The following SMYD3 variants were observed in gnomAD, a reference collection of about 807,000 sequenced individuals.
SMYD3 encodes histone-lysine N-methyltransferase SMYD3.
SMYD3 carries 36 observed loss-of-function variants against 57.7 expected under a neutral mutation model. That is an observed-to-expected ratio of 0.62 (90% CI 0.48 to 0.82). The LOEUF (loss-of-function observed/expected upper bound fraction) is 0.82. SMYD3 is among the 40% of genes least tolerant of loss of function. The probability of loss-of-function intolerance (pLI) is 0.00; values close to 1 mark genes in which losing one functional copy is unlikely to be tolerated. For synonymous variants in SMYD3, 211 were observed against 195.0 expected (o/e 1.08, Z -0.68); for missense variants, 515 against 538.8 (o/e 0.96, Z 0.44).
At chr1:246,171,442 C>T (rs1397868694) in intron 5 of SMYD3, among the ~76,000 whole-genome samples, 1 of 152,078 alleles carries the variant, frequency 6.6e-6, no homozygotes. Flanking sequence ...AAAGAGCTTA[C>T]ACCTGAGAGT....
intron 5 of SMYD3, among the ~76,000 whole-genome samples, chr1:246,086,266 C>A (rs1167527982): frequency 3.3e-5 from 5 of 150,190 alleles, no homozygotes; most frequent in African/African-American, 1.2e-4. Context: ...ACTAGGTTAG[C>A]TGAATTCCGA....
rs533420606 is a variant in SMYD3, at chr1:245,986,671, A to G, written c.532-56734T>C. ...CCCTCCCTGTACGTTATCAAAGAAC[A>G]GGAAGTCTCCATGTCTCCACTCTCG... On this transcript the variant is annotated intron_variant, in intron 5 of 11. Transcript: ENST00000490107. Among the ~76,000 whole-genome samples, 10 of 152,310 alleles carry G rather than the reference A, an allele frequency of 6.6e-5. 1 individual carries two copies. The South Asian group carries it at 2.1e-3, about 32-fold the overall frequency.
intron 5 of SMYD3, among the ~76,000 whole-genome samples, chr1:246,080,952 T>C (rs2060628839): frequency 6.6e-6 from 1 of 152,222 alleles, no homozygotes; most frequent in South Asian, 2.1e-4. Context: ...AATGCATGTA[T>C]ATTTTCATAA....
chr1:245,995,619 T>C (rs1294833374), intron 5 of SMYD3, among the ~76,000 whole-genome samples: 1 of 152,052 alleles, frequency 6.6e-6, no homozygotes, highest in African/African-American at 2.4e-5. Context: ...CATGTGGCAG[T>C]AGAGAAAGCA....
At chr1:246,478,744 A>G (rs55678047) in intron 1 of SMYD3, among the ~76,000 whole-genome samples, 8,385 of 9,528 alleles carry the variant, frequency 0.88, 4,042 homozygotes, top group Admixed American at 0.94. Context: ...CCTGTCCTCC[A>G]TCTGGAGCTG....
intron 1 of SMYD3, among the ~76,000 whole-genome samples, chr1:246,372,729 G>A (rs78395320): frequency 0.017 from 2,569 of 152,266 alleles, 68 homozygotes; most frequent in East Asian, 0.089. Context: ...AGTGGCTCAC[G>A]CCCGTAATCC....
At chr1:246,136,008 A>G (rs1050299198) in intron 5 of SMYD3, among the ~76,000 whole-genome samples, 2 of 152,210 alleles carry the variant, frequency 1.3e-5, no homozygotes, top group Non-Finnish European at 2.9e-5. Context: ...GAATATTCTC[A>G]AATCTGGCAG....
chr1:245,909,595 C>A (rs946226732), intron 8 of SMYD3, among the ~76,000 whole-genome samples: 1 of 151,748 alleles, frequency 6.6e-6, no homozygotes, highest in Non-Finnish European at 1.5e-5. Flanking sequence ...CCAAATTCAA[C>A]ATTAAAAAGA....
At chr1:245,893,177 G>A (rs2053503681) in intron 8 of SMYD3, among the ~76,000 whole-genome samples, 1 of 152,158 alleles carries the variant, frequency 6.6e-6, no homozygotes, top group Admixed American at 6.5e-5. Flanking sequence ...AATGTATTAG[G>A]AGGATGAAAA....
At chr1:245,846,614 G>A (rs1282028651) in intron 10 of SMYD3, among the ~76,000 whole-genome samples, 1 of 152,188 alleles carries the variant, frequency 6.6e-6, no homozygotes, top group African/African-American at 2.4e-5. Context: ...TGCCACAGAG[G>A]ACAAGAGAGG....
At chr1:245,804,324 G>C (rs4298701) in intron 10 of SMYD3, among the ~76,000 whole-genome samples, 1 of 152,048 alleles carries the variant, frequency 6.6e-6, no homozygotes, top group Admixed American at 6.5e-5. Flanking sequence ...ATTCCCGGCC[G>C]GGCGCAGTGG....
At chr1:246,260,898 A>G (rs1382709898) in intron 5 of SMYD3, among the ~76,000 whole-genome samples, 1 of 152,182 alleles carries the variant, frequency 6.6e-6, no homozygotes, top group Non-Finnish European at 1.5e-5. Flanking sequence ...AAAATAAAGG[A>G]AACAGCTTGT....
chr1:246,397,249 T>C (rs182956401), intron 1 of SMYD3, among the ~76,000 whole-genome samples: 1 of 152,144 alleles, frequency 6.6e-6, no homozygotes, highest in East Asian at 1.9e-4. Flanking sequence ...GTGCGAGGGA[T>C]CTAGGCTGCA....
chr1:245,829,892 T>C (rs1391912013), intron 10 of SMYD3, among the ~76,000 whole-genome samples: 2 of 152,150 alleles, frequency 1.3e-5, no homozygotes, highest in Admixed American at 1.3e-4. Flanking sequence ...TATAATTCCA[T>C]TTATATAAAC....
chr1:245,949,270 T>A (rs754487904), intron 5 of SMYD3, among the ~76,000 whole-genome samples: 2 of 152,052 alleles, frequency 1.3e-5, no homozygotes, highest in Non-Finnish European at 2.9e-5. Flanking sequence ...TGGATGCCAG[T>A]GTACACAGCC....
intron 5 of SMYD3, chr1:246,321,618 G>A (rs76743141): frequency 0.014 from 2,124 of 152,250 alleles, 49 homozygotes; most frequent in African/African-American, 0.048. Flanking sequence ...TCCCATCTCA[G>A]CACACCGAGT....
chr1:246,199,463 C>A (rs547170286), intron 5 of SMYD3, among the ~76,000 whole-genome samples: 1 of 152,202 alleles, frequency 6.6e-6, no homozygotes, highest in Non-Finnish European at 1.5e-5. Context: ...ATTCAGTGCA[C>A]CAAACAGGGA....
At chr1:245,999,195 A>G (rs1302950165) in intron 5 of SMYD3, among the ~76,000 whole-genome samples, 1 of 152,196 alleles carries the variant, frequency 6.6e-6, no homozygotes, top group Non-Finnish European at 1.5e-5. Context: ...CAAACATGAA[A>G]CCAAACTATA....
At chr1:246,465,425 C>G (rs1276694947) in intron 1 of SMYD3, among the ~76,000 whole-genome samples, 3 of 152,222 alleles carry the variant, frequency 2.0e-5, no homozygotes, top group Non-Finnish European at 4.4e-5. Context: ...GCATCTACTT[C>G]TAAAACTAGT....
Sources: allele counts gnomAD v4.1 joint callset (sites outside exome capture counted in the v4.1 genomes callset), GRCh38; gene constraint gnomAD v4.1.1; transcripts MANE v1.5; gene names NCBI Gene and HGNC (gene_info 2026-07-23, HGNC 2026-07-21).